The following MYLK variants were observed in gnomAD, a reference collection of about 807,000 sequenced individuals.
MYLK encodes the protein myosin light chain kinase, also known as myosin light chain kinase, smooth muscle.
A neutral mutation model predicts 203.4 loss-of-function variants in MYLK; 106 were observed. The observed-to-expected ratio is 0.52, with a 90% CI of 0.45 to 0.61. The LOEUF is 0.61. Among genes scored for constraint, MYLK ranks in the 20% least tolerant of loss-of-function variants. MYLK has a pLI of 0.00. For missense variants in MYLK, 2,072 were observed against 2,442.3 expected, an observed-to-expected ratio of 0.85 and a Z score of 3.20; for synonymous variants, 867 against 959.5, an observed-to-expected ratio of 0.90 and a Z score of 1.78.
intron 3 of MYLK, among the ~76,000 whole-genome samples, chr3:123,808,526 T>C (rs751119883): frequency 1.3e-5 from 2 of 152,134 alleles, no homozygotes; most frequent in African/African-American, 4.8e-5. Flanking sequence ...TACAAATAAA[T>C]AGGAGTTCAA....
chr3:123,872,925 C>CA (rs1350610821), intron 2 of MYLK, among the ~76,000 whole-genome samples: 3 of 152,138 alleles, frequency 2.0e-5, no homozygotes, highest in African/African-American at 7.2e-5. Context: ...CTTCTAATTA[C>CA]ATGGTTGTTT....
At chr3:123,731,965 CTAATA>C (rs2062492196) in intron 11 of MYLK, among the ~76,000 whole-genome samples, 1 of 146,984 alleles carries the variant, frequency 6.8e-6, no homozygotes, top group African/African-American at 2.5e-5. Context: ...TATATACCTT[CTAATA>C]TAAGTTTTCT....
At chr3:123,657,076 T>C in intron 24 of MYLK, 50 bp downstream of exon 24, 1 of 1,596,714 alleles carries the variant, frequency 6.3e-7, no homozygotes, top group Non-Finnish European at 8.6e-7. Flanking sequence ...ATACACAAGG[T>C]CAGTCACGCA....
chr3:123,775,221 G>A (rs140467606), intron 4 of MYLK, among the ~76,000 whole-genome samples: 3 of 152,082 alleles, frequency 2.0e-5, no homozygotes, highest in Non-Finnish European at 2.9e-5. Context: ...GTAGAGACTG[G>A]GTCTTGCTTT....
chr3:123,769,808 C>T (rs2063817534), intron 4 of MYLK, among the ~76,000 whole-genome samples: 1 of 152,208 alleles, frequency 6.6e-6, no homozygotes, highest in African/African-American at 2.4e-5. Flanking sequence ...AGTAGGTGAT[C>T]AATAAGTATT....
chr3:123,701,993 C>A (rs2061252087), intron 16 of MYLK, among the ~76,000 whole-genome samples: 1 of 152,176 alleles, frequency 6.6e-6, no homozygotes, highest in South Asian at 2.1e-4. Flanking sequence ...AATGGAAGCA[C>A]CCTTAACCCC....
Position 123,708,714 on chromosome 3 carries a change from G to A in MYLK, c.2124C>T (p.Ala708=), listed in dbSNP as rs372939794. 269 of 1,614,094 alleles carry A rather than the reference G, an allele frequency of 1.7e-4. 1 individual carries two copies. The South Asian group carries it at 2.0e-3, about 12-fold the overall frequency. ...WNSAGEVRTQ[A]VLTVQEPHDG... Reference sequence around the variant, plus strand: ...CAGCCTCACCTTGTACCGTGAGCACGGCCTGGGTGCGGACCTCTCCAGCGC... The same window carrying A: ...CAGCCTCACCTTGTACCGTGAGCACAGCCTGGGTGCGGACCTCTCCAGCGC... The change falls in exon 15 of 34, where the codon GCC becomes GCT. Residue 708 remains alanine, a synonymous_variant. Coordinates refer to ENST00000360304, the MANE Select transcript of MYLK (RefSeq NM_053025.4).
intron 4 of MYLK, among the ~76,000 whole-genome samples, chr3:123,770,092 C>A (rs1466363365): frequency 1.3e-5 from 2 of 151,388 alleles, no homozygotes; most frequent in African/African-American, 4.9e-5. Flanking sequence ...AGGTGGATCA[C>A]CTGAGGTCAG....
intron 19 of MYLK, among the ~76,000 whole-genome samples, chr3:123,690,376 C>A (rs1292882668): frequency 6.6e-6 from 1 of 152,224 alleles, no homozygotes; most frequent in East Asian, 1.9e-4. Context: ...CAGAAAGATG[C>A]TCCAACCCAC....
chr3:123,672,748 C>G (rs528781079), intron 20 of MYLK, among the ~76,000 whole-genome samples: 14 of 152,358 alleles, frequency 9.2e-5, no homozygotes, highest in African/African-American at 3.1e-4. Context: ...GCATTTGAAA[C>G]TGGCTTGGTT....
chr3:123,661,508 G>A (rs2059560953), intron 23 of MYLK, among the ~76,000 whole-genome samples: 1 of 152,174 alleles, frequency 6.6e-6, no homozygotes, highest in South Asian at 2.1e-4. Flanking sequence ...GACAGAGTGA[G>A]AAAAGGGTTG....
chr3:123,730,386 C>T (rs1020750086), intron 11 of MYLK, among the ~76,000 whole-genome samples: 4 of 152,164 alleles, frequency 2.6e-5, no homozygotes, highest in African/African-American at 9.7e-5. Context: ...TACCTTATGA[C>T]CCAACAATAT....
At chr3:123,826,197 C>A (rs528519798) in intron 3 of MYLK, among the ~76,000 whole-genome samples, 3 of 152,196 alleles carry the variant, frequency 2.0e-5, no homozygotes, top group Non-Finnish European at 4.4e-5. Context: ...GATATTCTCC[C>A]AGGCTGGCTG....
At chr3:123,635,716 A>G (rs967899487) in intron 29 of MYLK, among the ~76,000 whole-genome samples, 1 of 152,242 alleles carries the variant, frequency 6.6e-6, no homozygotes, top group Non-Finnish European at 1.5e-5. Flanking sequence ...TCATTTGACA[A>G]TAAAGTGCCC....
chr3:123,637,997 C>G (rs774419334), intron 29 of MYLK, 74 bp downstream of exon 29: 161 of 1,604,464 alleles, frequency 1.0e-4, no homozygotes, highest in Non-Finnish European at 1.3e-4. Context: ...TGGGGACCCT[C>G]CTGTGGAACC....
chr3:123,827,492 G>A (rs1175954633), intron 3 of MYLK, among the ~76,000 whole-genome samples: 1 of 151,192 alleles, frequency 6.6e-6, no homozygotes, highest in Non-Finnish European at 1.5e-5. Flanking sequence ...GGAAAGAATA[G>A]AATTTAAACT....
intron 4 of MYLK, among the ~76,000 whole-genome samples, chr3:123,779,776 C>T (rs919279264): frequency 4.6e-5 from 7 of 152,178 alleles, no homozygotes; most frequent in African/African-American, 1.7e-4. Context: ...AGTTCTTCAG[C>T]AGAGGCAGGG....
chr3:123,827,002 C>T, intron 3 of MYLK, among the ~76,000 whole-genome samples: 1 of 151,976 alleles, frequency 6.6e-6, no homozygotes. Context: ...GAAACACAAC[C>T]ATAAAAAAAT....
chr3:123,762,640 G>T (rs1211872241), intron 4 of MYLK, among the ~76,000 whole-genome samples: 2 of 152,190 alleles, frequency 1.3e-5, no homozygotes, highest in African/African-American at 4.8e-5. Flanking sequence ...GCATTAGAAG[G>T]TGTGGCTCAG....
Sources: gnomAD v4.1 joint callset for allele counts (sites outside exome capture counted in the v4.1 genomes callset) on GRCh38, gnomAD v4.1.1 for gene constraint, MANE v1.5 for transcripts, NCBI Gene and HGNC (gene_info 2026-07-23, HGNC 2026-07-21) for gene names.